Variants in NPAS3 observed in about 807,000 individuals in gnomAD.
NPAS3 encodes the protein neuronal PAS domain protein 3.
NPAS3 carries 14 observed loss-of-function variants against 73.1 expected under a neutral mutation model. The ratio of observed to expected loss-of-function variants is 0.19; its 90% CI spans 0.13 to 0.30. The LOEUF (loss-of-function observed/expected upper bound fraction) is 0.30. NPAS3 is among the 10% of genes least tolerant of loss of function. The pLI is 1.00. For missense variants in NPAS3, 1,096 were observed against 1,250.0 expected, an observed-to-expected ratio of 0.88 and a Z score of 1.86; for synonymous variants, 620 against 541.5, an observed-to-expected ratio of 1.14 and a Z score of -2.01.
chr14:33,155,119 ATC>A (rs1241187091), intron 2 of NPAS3, among the ~76,000 whole-genome samples: 3 of 152,182 alleles, frequency 2.0e-5, no homozygotes, highest in African/African-American at 7.2e-5. Flanking sequence ...TAGTTTGCTG[ATC>A]TTGGTTTAAA....
intron 4 of NPAS3, among the ~76,000 whole-genome samples, chr14:33,427,411 A>G (rs1029280021): frequency 5.3e-5 from 8 of 151,938 alleles, no homozygotes; most frequent in Admixed American, 1.3e-4. Flanking sequence ...TACAAACATC[A>G]TAAAGTAAAT....
intron 4 of NPAS3, among the ~76,000 whole-genome samples, chr14:33,379,374 G>C (rs9322924): frequency 0.21 from 31,752 of 152,054 alleles, 3,790 homozygotes; most frequent in East Asian, 0.35. Context: ...ACAATCATAA[G>C]GTTACATGTC....
At chr14:33,317,031 G>A (rs1193593218) in intron 3 of NPAS3, among the ~76,000 whole-genome samples, 2 of 152,058 alleles carry the variant, frequency 1.3e-5, no homozygotes, top group Non-Finnish European at 2.9e-5. Flanking sequence ...TTTGACTTCA[G>A]TGTCTAATAG....
chr14:33,686,494 T>A (rs533247069), intron 6 of NPAS3, among the ~76,000 whole-genome samples: 1 of 152,294 alleles, frequency 6.6e-6, no homozygotes, highest in East Asian at 1.9e-4. Flanking sequence ...CTGAATCCAT[T>A]AGGCAATGCA....
At chr14:33,077,465 G>A (rs1434989740) in intron 2 of NPAS3, among the ~76,000 whole-genome samples, 1 of 152,148 alleles carries the variant, frequency 6.6e-6, no homozygotes. Context: ...CTTTGTTGGA[G>A]GAGGAATGTA....
chr14:33,229,001 T>C (rs2047742467), intron 3 of NPAS3, among the ~76,000 whole-genome samples: 1 of 152,170 alleles, frequency 6.6e-6, no homozygotes, highest in Non-Finnish European at 1.5e-5. Context: ...TGTTGGGGAA[T>C]TTATTATGCA....
intron 1 of NPAS3, among the ~76,000 whole-genome samples, chr14:33,025,706 T>A (rs1341618584): frequency 6.6e-6 from 1 of 152,162 alleles, no homozygotes; most frequent in Non-Finnish European, 1.5e-5. Flanking sequence ...ATCTGATGGT[T>A]TAAGAGTGTG....
At chr14:33,701,099 T>C (rs900088344) in intron 6 of NPAS3, among the ~76,000 whole-genome samples, 2 of 152,182 alleles carry the variant, frequency 1.3e-5, no homozygotes, top group African/African-American at 4.8e-5. Context: ...GTGGGTTCCA[T>C]TACCTACCCT....
At chr14:33,619,789 A>G (rs767499230) in intron 5 of NPAS3, among the ~76,000 whole-genome samples, 1 of 152,216 alleles carries the variant, frequency 6.6e-6, no homozygotes, top group Non-Finnish European at 1.5e-5. Flanking sequence ...TAAACTGGCA[A>G]TTGGGTATAG....
In NPAS3 at chr14:33,774,909, G is replaced by A. The variant is rs377518504; in HGVS notation, c.1046+379G>A. 3.3e-5 allele frequency among the ~76,000 whole-genome samples: 5 copies of A among 152,250 alleles called. No homozygotes were observed. In the South Asian group the frequency reaches 8.3e-4, roughly 25 times the overall value. On this transcript the variant is annotated intron_variant, in intron 8 of 11. Coordinates refer to ENST00000356141, the Ensembl canonical transcript of NPAS3. ...AATTCGAGGGCCTGGCCTCATGGTG[G>A]TCAGTGTTCACACAGACGCTAAGCA...
At chr14:33,707,138 G>A (rs1315162971) in intron 6 of NPAS3, among the ~76,000 whole-genome samples, 4 of 152,136 alleles carry the variant, frequency 2.6e-5, no homozygotes, top group African/African-American at 9.7e-5. Flanking sequence ...CTACTCCTAA[G>A]CCAAGATGAT....
At chr14:32,969,238 A>G (rs1002229088) in intron 1 of NPAS3, among the ~76,000 whole-genome samples, 25 of 152,090 alleles carry the variant, frequency 1.6e-4, no homozygotes, top group Admixed American at 3.9e-4. Context: ...TGAGAGAGAG[A>G]AAACCCAAAC....
chr14:33,168,630 C>G (rs2045263254), intron 2 of NPAS3, among the ~76,000 whole-genome samples: 1 of 152,126 alleles, frequency 6.6e-6, no homozygotes, highest in Admixed American at 6.6e-5. Flanking sequence ...GTAGAGTTCC[C>G]TAGTGGGACT....
intron 4 of NPAS3, among the ~76,000 whole-genome samples, chr14:33,528,646 A>G (rs2053909128): frequency 6.6e-6 from 1 of 152,048 alleles, no homozygotes. Flanking sequence ...CTGCTTAACC[A>G]GGCTGCGAAA....
intron 3 of NPAS3, among the ~76,000 whole-genome samples, chr14:33,327,770 A>C (rs1287809124): frequency 6.6e-6 from 1 of 152,242 alleles, no homozygotes; most frequent in Non-Finnish European, 1.5e-5. Context: ...AACACCATGC[A>C]TGTTAAGGAA....
chr14:33,479,930 G>A (rs999379858), intron 4 of NPAS3, among the ~76,000 whole-genome samples: 2 of 151,988 alleles, frequency 1.3e-5, no homozygotes, highest in African/African-American at 4.8e-5. Context: ...AAAAAAGTAT[G>A]GGAAAGACAT....
At chr14:33,674,484 CAA>C (rs1426560978) in intron 5 of NPAS3, among the ~76,000 whole-genome samples, 3 of 152,260 alleles carry the variant, frequency 2.0e-5, no homozygotes, top group East Asian at 3.9e-4. Flanking sequence ...CTTAATTGCT[CAA>C]AGTCAGTTTA....
At chr14:32,938,485 T>TAGAGAGAGAGAGAG (rs1491191135), upstream of NPAS3, among the ~76,000 whole-genome samples, 986 of 21,628 alleles carry the variant, frequency 0.046, 97 homozygotes, top group Non-Finnish European at 0.056. Flanking sequence ...GAGAGAGAAA[T>TAGAGAGAGAGAGAG]TGAGAGAGAG....
chr14:33,538,036 A>G (rs567385407), intron 4 of NPAS3, among the ~76,000 whole-genome samples: 33 of 152,318 alleles, frequency 2.2e-4, no homozygotes, highest in African/African-American at 6.7e-4. Flanking sequence ...CATAGACCAT[A>G]AACCTGTGCA....
Sources: allele counts gnomAD v4.1 joint callset (sites outside exome capture counted in the v4.1 genomes callset), GRCh38; gene constraint gnomAD v4.1.1; transcripts MANE v1.5; gene names NCBI Gene and HGNC (gene_info 2026-07-23, HGNC 2026-07-21).